Variants in MGMT observed in about 807,000 individuals in gnomAD.
The protein encoded by MGMT is methylated-DNA--protein-cysteine methyltransferase.
A neutral mutation model predicts 15.9 loss-of-function variants in MGMT; 14 were observed. The ratio of observed to expected loss-of-function variants is 0.88; its 90% confidence interval spans 0.58 to 1.37. The LOEUF (loss-of-function observed/expected upper bound fraction) is 1.37. MGMT is among the 40% of genes most tolerant of loss of function. The probability of loss-of-function intolerance (pLI) is 0.00; values close to 1 mark genes in which losing one functional copy is unlikely to be tolerated. For missense variants in MGMT, 282 were observed against 268.1 expected (o/e 1.05, Z -0.36); for synonymous variants, 130 against 118.2 (o/e 1.10, Z -0.65).
At chr10:129,548,853 G>A (rs1380637386) in intron 2 of MGMT, among the ~76,000 whole-genome samples, 1 of 152,218 alleles carries the variant, frequency 6.6e-6, no homozygotes, top group East Asian at 1.9e-4. Flanking sequence ...GCCTGGTCAG[G>A]CCAGGCTGGT....
intron 2 of MGMT, among the ~76,000 whole-genome samples, chr10:129,606,859 ACTTT>A (rs1350667820): frequency 1.3e-5 from 2 of 152,244 alleles, no homozygotes; most frequent in African/African-American, 2.4e-5. Flanking sequence ...TCTCAATTTA[ACTTT>A]CTGTCTTGAG....
In MGMT at chr10:129,724,190, A is replaced by G. The variant is rs1010233300; in HGVS notation, c.274+16147A>G. ...GGATATCCATGTAGAGCCTGTTCCT[A>G]TCTGTGAACTTAGCATTGAAAAGGA... On this transcript the variant is annotated intron_variant, in intron 3 of 4. Transcript: ENST00000651593. 3.3e-5 allele frequency among the ~76,000 whole-genome samples: 5 copies of G among 152,288 alleles called. No individual in the cohort carries two copies. The South Asian group carries it at 1.0e-3, about 32-fold the overall frequency.
chr10:129,722,640 C>CAG (rs142860241), intron 3 of MGMT, among the ~76,000 whole-genome samples: 5 of 152,124 alleles, frequency 3.3e-5, no homozygotes, highest in South Asian at 2.1e-4. Flanking sequence ...AACAGTGCAA[C>CAG]AGAGAGAGAG....
At chr10:129,473,477 C>T (rs1423417368) in intron 1 of MGMT, among the ~76,000 whole-genome samples, 5 of 152,230 alleles carry the variant, frequency 3.3e-5, no homozygotes, top group South Asian at 2.1e-4. Flanking sequence ...ATGAGGAACC[C>T]GGGCCTCGGA....
rs187333653 is a variant in MGMT, at chr10:129,709,395, T to C, written c.274+1352T>C. On this transcript the variant is annotated intron_variant, in intron 3 of 4. Coordinates refer to ENST00000651593, the MANE Select transcript of MGMT (RefSeq NM_002412.5). ...GGCCGGGCACAGGGCAGGATGTTGC[T>C]GAATGGCCCAAGGAAGTCAGAGATT... 2.4e-3 allele frequency among the ~76,000 whole-genome samples: 372 copies of C among 152,290 alleles called. 2 individuals are homozygous for C. The highest frequency in any genetic ancestry group is 8.1e-3 in the African/African-American group (336 of 41,566).
chr10:129,742,072 G>A (rs1315372316), intron 3 of MGMT, among the ~76,000 whole-genome samples: 3 of 152,208 alleles, frequency 2.0e-5, no homozygotes, highest in Non-Finnish European at 4.4e-5. Flanking sequence ...AAATGCTAGA[G>A]CAGGACTTAA....
At chr10:129,707,059 C>T (rs1011855979) in intron 2 of MGMT, among the ~76,000 whole-genome samples, 17 of 151,998 alleles carry the variant, frequency 1.1e-4, no homozygotes, top group African/African-American at 3.4e-4. Flanking sequence ...GTCAGGAGTT[C>T]GAGACCAGCC....
At chr10:129,503,879 T>G (rs1388550513) in intron 1 of MGMT, among the ~76,000 whole-genome samples, 2 of 152,236 alleles carry the variant, frequency 1.3e-5, no homozygotes, top group Non-Finnish European at 2.9e-5. Flanking sequence ...TATCAAAGGT[T>G]AAATATTATA....
intron 2 of MGMT, among the ~76,000 whole-genome samples, chr10:129,650,630 G>T (rs1023906683): frequency 3.9e-5 from 6 of 152,216 alleles, no homozygotes; most frequent in Non-Finnish European, 8.8e-5. Flanking sequence ...ACACTGCAGT[G>T]TTACCAGTGA....
chr10:129,567,808 C>T (rs1157658987), intron 2 of MGMT, among the ~76,000 whole-genome samples: 2 of 152,166 alleles, frequency 1.3e-5, no homozygotes, highest in African/African-American at 2.4e-5. Context: ...GTGATATCTT[C>T]GAGTAAACAG....
chr10:129,590,225 C>T (rs924473303), intron 2 of MGMT, among the ~76,000 whole-genome samples: 1 of 152,212 alleles, frequency 6.6e-6, no homozygotes, highest in African/African-American at 2.4e-5. Context: ...CTTGGAAACA[C>T]ATGTTTAATA....
chr10:129,630,866 G>A (rs144011735), intron 2 of MGMT, among the ~76,000 whole-genome samples: 189 of 152,302 alleles, frequency 1.2e-3, no homozygotes, highest in African/African-American at 4.3e-3. Context: ...GGCTGCTTCC[G>A]ATACAGTTCA....
chr10:129,741,665 C>T (rs540175901), intron 3 of MGMT, among the ~76,000 whole-genome samples: 1 of 152,332 alleles, frequency 6.6e-6, no homozygotes, highest in East Asian at 1.9e-4. Flanking sequence ...ACTGATATTT[C>T]GAGTGGGGTC....
chr10:129,621,590 A>G (rs926844471), intron 2 of MGMT, among the ~76,000 whole-genome samples: 1 of 152,194 alleles, frequency 6.6e-6, no homozygotes, highest in African/African-American at 2.4e-5. Flanking sequence ...GGCTGTTGAA[A>G]TGGTTCCATG....
chr10:129,685,094 GATTGAGCCAATGTCGTTGGTC>G (rs1462571561), intron 2 of MGMT, among the ~76,000 whole-genome samples: 9 of 152,238 alleles, frequency 5.9e-5, no homozygotes, highest in African/African-American at 2.2e-4. Context: ...TCTGTGAGGA[GATTGAGCCAATGTCGTTGGTC>G]AGCTTAATTG....
intron 2 of MGMT, among the ~76,000 whole-genome samples, chr10:129,590,017 G>T (rs1285934480): frequency 1.3e-5 from 2 of 152,184 alleles, no homozygotes; most frequent in South Asian, 2.1e-4. Context: ...AGACAGGATG[G>T]GTGGTTGAAT....
At chr10:129,577,814 T>C (rs146065200) in intron 2 of MGMT, among the ~76,000 whole-genome samples, 4,078 of 146,246 alleles carry the variant, frequency 0.028, 91 homozygotes, top group South Asian at 0.074. Flanking sequence ...ATCCAGAATC[T>C]ACAATGAATT....
At chr10:129,631,856 A>G (rs569114258) in intron 2 of MGMT, among the ~76,000 whole-genome samples, 2 of 152,226 alleles carry the variant, frequency 1.3e-5, no homozygotes, top group East Asian at 3.9e-4. Context: ...AAAAATGTAT[A>G]TTTCTATTGC....
At chr10:129,600,689 G>A (rs1194965287) in intron 2 of MGMT, among the ~76,000 whole-genome samples, 1 of 152,166 alleles carries the variant, frequency 6.6e-6, no homozygotes, top group Non-Finnish European at 1.5e-5. Flanking sequence ...CACCCCCATA[G>A]GCTGCCCGCA....
Sources: gnomAD v4.1 joint callset for allele counts (sites outside exome capture counted in the v4.1 genomes callset) on GRCh38, gnomAD v4.1.1 for gene constraint, MANE v1.5 for transcripts, NCBI Gene and HGNC (gene_info 2026-07-23, HGNC 2026-07-21) for gene names.